The following ZNF385D variants were observed in gnomAD, a reference collection of about 807,000 sequenced individuals.
ZNF385D encodes the protein zinc finger protein 659.
In ZNF385D, 15 loss-of-function variants were observed where a neutral mutation model predicts 35.8. The observed-to-expected ratio is 0.42, with a 90% CI of 0.28 to 0.64. The LOEUF (loss-of-function observed/expected upper bound fraction) is 0.64, where lower values mean the gene tolerates loss of function less well. ZNF385D is among the 30% of genes least tolerant of loss of function. The pLI is 0.23. For synonymous variants in ZNF385D, 212 were observed against 186.8 expected (o/e 1.13, Z -1.10); for missense variants, 474 against 494.6 (o/e 0.96, Z 0.39).
intron 3 of ZNF385D, among the ~76,000 whole-genome samples, chr3:22,062,046 A>G (rs1699714410): frequency 6.6e-6 from 1 of 152,036 alleles, no homozygotes. Context: ...TTTAATTTTA[A>G]TTTATTTTTG....
At chr3:21,889,343 G>A (rs1464783308) in intron 3 of ZNF385D, among the ~76,000 whole-genome samples, 2 of 152,170 alleles carry the variant, frequency 1.3e-5, no homozygotes, top group Non-Finnish European at 2.9e-5. Flanking sequence ...GATGGGGGAG[G>A]TGAGGCGCCA....
chr3:21,642,335 A>T (rs1209757402), intron 2 of ZNF385D, among the ~76,000 whole-genome samples: 1 of 151,634 alleles, frequency 6.6e-6, no homozygotes, highest in Non-Finnish European at 1.5e-5. Context: ...TTCCCTCTTA[A>T]CCTCACTCTT....
At chr3:22,303,007 G>C (rs1423229312) in intron 2 of ZNF385D, among the ~76,000 whole-genome samples, 1 of 152,040 alleles carries the variant, frequency 6.6e-6, no homozygotes, top group Non-Finnish European at 1.5e-5. Flanking sequence ...AAATTTGAAA[G>C]ATGATAGTTC....
intron 5 of ZNF385D, among the ~76,000 whole-genome samples, chr3:21,426,745 C>A (rs1475885811): frequency 1.3e-5 from 2 of 152,072 alleles, no homozygotes; most frequent in African/African-American, 4.8e-5. Flanking sequence ...CTTCCCAGAA[C>A]CACTAAATGT....
intron 3 of ZNF385D, among the ~76,000 whole-genome samples, chr3:21,913,699 T>A (rs990199680): frequency 5.3e-5 from 8 of 152,128 alleles, no homozygotes; most frequent in African/African-American, 1.9e-4. Flanking sequence ...GATGAAAGTA[T>A]CAGATGCTTG....
At chr3:21,846,500 T>C (rs1696014574) in intron 3 of ZNF385D, among the ~76,000 whole-genome samples, 2 of 152,062 alleles carry the variant, frequency 1.3e-5, no homozygotes. Flanking sequence ...TTGCAATTAT[T>C]GCTTTAGGGC....
At chr3:21,443,255 C>A (rs559234256) in intron 4 of ZNF385D, 5 of 985,380 alleles carry the variant, frequency 5.1e-6, no homozygotes, top group East Asian at 2.3e-4. Flanking sequence ...ATCTGCTTCA[C>A]TACCAGGCTC....
intron 3 of ZNF385D, among the ~76,000 whole-genome samples, chr3:21,762,568 T>C (rs2070665734): frequency 6.6e-6 from 1 of 152,198 alleles, no homozygotes; most frequent in South Asian, 2.1e-4. Flanking sequence ...TAAAACCTCA[T>C]TTGGCAAAAT....
chr3:22,324,995 G>C (rs1399132140), intron 2 of ZNF385D, among the ~76,000 whole-genome samples: 1 of 152,134 alleles, frequency 6.6e-6, no homozygotes, highest in Admixed American at 6.5e-5. Flanking sequence ...GGTGAAATGA[G>C]GATAAAAGTT....
At position 22,241,505 on chromosome 3, in the gene ZNF385D, T is replaced by C. The variant is rs142463378; in HGVS notation, c.107-72470A>G. Among the ~76,000 whole-genome samples the C allele has an allele frequency of 3.6e-3, 550 of 151,416 alleles. 26 individuals carry two copies. Among genetic ancestry groups the C allele is most frequent in the African/African-American group, 0.012 (481 of 41,076 alleles). ...CTCAGTTTCCAAATCGTGGACAAGA[T>C]TGATTTTGTGTATTCTGTATAGACA... On this transcript the variant is annotated intron_variant, in intron 2 of 5. Transcript: ENST00000494108.
chr3:21,585,920 G>A (rs1456226932), intron 2 of ZNF385D, among the ~76,000 whole-genome samples: 1 of 152,148 alleles, frequency 6.6e-6, no homozygotes, highest in Non-Finnish European at 1.5e-5. Flanking sequence ...TGTAGTCCTA[G>A]TACTTTGAGA....
intron 3 of ZNF385D, chr3:21,511,674 T>A: frequency 2.2e-6 from 1 of 456,394 alleles, no homozygotes; most frequent in Non-Finnish European, 4.4e-6. Flanking sequence ...CGCATGGATC[T>A]TTCATGCCCC....
chr3:21,800,620 A>T (rs80345585), intron 3 of ZNF385D, among the ~76,000 whole-genome samples: 13,778 of 152,102 alleles, frequency 0.091, 719 homozygotes, highest in South Asian at 0.13. Context: ...TTATTTAATT[A>T]TTCTATTAAA....
chr3:21,997,204 TG>T (rs1213474464), intron 3 of ZNF385D, among the ~76,000 whole-genome samples: 17 of 152,214 alleles, frequency 1.1e-4, no homozygotes, highest in Admixed American at 1.0e-3. Context: ...TGTAGGGACA[TG>T]GATGAAGCTG....
intron 2 of ZNF385D, among the ~76,000 whole-genome samples, chr3:22,272,878 T>C (rs1701247279): frequency 6.6e-6 from 1 of 152,002 alleles, no homozygotes; most frequent in Non-Finnish European, 1.5e-5. Context: ...AGTTTCTCAA[T>C]ATTTTACTTG....
At chr3:22,009,810 G>T (rs1696456617) in intron 3 of ZNF385D, among the ~76,000 whole-genome samples, 1 of 151,686 alleles carries the variant, frequency 6.6e-6, no homozygotes, top group South Asian at 2.1e-4. Flanking sequence ...ATAGTCAAGG[G>T]TCATCAGCAG....
At chr3:22,247,490 A>C (rs909632526) in intron 2 of ZNF385D, among the ~76,000 whole-genome samples, 3 of 152,070 alleles carry the variant, frequency 2.0e-5, no homozygotes, top group African/African-American at 7.2e-5. Flanking sequence ...ATTTTGATGA[A>C]GATATGTTAG....
chr3:21,923,913 C>A (rs66575668), intron 3 of ZNF385D, among the ~76,000 whole-genome samples: 81,229 of 151,952 alleles, frequency 0.53, 23,789 homozygotes, highest in South Asian at 0.66. Flanking sequence ...GCCCATGTAA[C>A]AAACCTGCAC....
At chr3:22,188,280 C>T (rs921017317) in intron 2 of ZNF385D, among the ~76,000 whole-genome samples, 19 of 152,044 alleles carry the variant, frequency 1.2e-4, no homozygotes, top group African/African-American at 4.6e-4. Flanking sequence ...GAGAGAGACT[C>T]GGAGTGGAGA....
Sources: allele counts gnomAD v4.1 joint callset (sites outside exome capture counted in the v4.1 genomes callset), GRCh38; gene constraint gnomAD v4.1.1; transcripts MANE v1.5; gene names NCBI Gene and HGNC (gene_info 2026-07-23, HGNC 2026-07-21).